SNTB2: variants seen among roughly 807,000 people sequenced by gnomAD.
SNTB2 encodes syntrophin beta 2.
SNTB2 carries 34 observed loss-of-function variants against 46.2 expected under a neutral mutation model. The ratio of observed to expected loss-of-function variants is 0.74; its 90% CI spans 0.56 to 0.98. SNTB2 has a LOEUF of 0.98. Among genes scored for constraint, SNTB2 ranks in the 50% least tolerant of loss-of-function variants. The pLI is 0.00. For synonymous variants in SNTB2, 290 were observed against 312.6 expected (o/e 0.93, Z 0.76); for missense variants, 603 against 731.4 (o/e 0.82, Z 2.02).
intron 1 of SNTB2, among the ~76,000 whole-genome samples, chr16:69,238,460 C>T (rs1289652707): frequency 6.6e-6 from 1 of 152,164 alleles, no homozygotes; most frequent in African/African-American, 2.4e-5. Context: ...CCCTTACTAT[C>T]GTTTCCTGCT....
At chr16:69,203,522 C>G (rs1233109992) in intron 1 of SNTB2, among the ~76,000 whole-genome samples, 4 of 150,892 alleles carry the variant, frequency 2.7e-5, no homozygotes, top group African/African-American at 4.9e-5. Flanking sequence ...AATTGTTTTG[C>G]AGAGACAGGA....
intron 1 of SNTB2, among the ~76,000 whole-genome samples, chr16:69,217,227 C>G (rs1242971534): frequency 6.6e-6 from 1 of 152,020 alleles, no homozygotes; most frequent in African/African-American, 2.4e-5. Context: ...AATGCTCACT[C>G]ACTGGGGAGG....
At chr16:69,227,866 T>A (rs1423411956) in intron 1 of SNTB2, among the ~76,000 whole-genome samples, 1 of 122,318 alleles carries the variant, frequency 8.2e-6, no homozygotes, top group Admixed American at 8.8e-5. Context: ...TTTTTTTTTT[T>A]AAGATAAGTA....
intron 1 of SNTB2, chr16:69,235,825 G>A (rs927700809): frequency 1.6e-6 from 2 of 1,289,216 alleles, no homozygotes; most frequent in Admixed American, 2.3e-5. Context: ...CAAATATCCT[G>A]GAATTGTGGT....
At chr16:69,262,232 G>A (rs968685372) in intron 3 of SNTB2, among the ~76,000 whole-genome samples, 6 of 152,000 alleles carry the variant, frequency 3.9e-5, no homozygotes, top group South Asian at 2.1e-4. Flanking sequence ...GTTAGTAAGG[G>A]ATTTATCCAA....
chr16:69,275,981 C>T (rs970342452), intron 4 of SNTB2, among the ~76,000 whole-genome samples: 1 of 152,006 alleles, frequency 6.6e-6, no homozygotes, highest in Non-Finnish European at 1.5e-5. Context: ...AAGCTCTGTA[C>T]GTGTGTGGGT....
intron 5 of SNTB2, among the ~76,000 whole-genome samples, chr16:69,287,863 A>AAAAT (rs1555501037): frequency 6.8e-6 from 1 of 147,828 alleles, no homozygotes. Flanking sequence ...TGTCTCAAAA[A>AAAAT]ATATATATAT....
At position 69,195,095 on chromosome 16, in the gene SNTB2, G is replaced by A. The variant is rs76784122; in HGVS notation, c.580+7349G>A. Among the ~76,000 whole-genome samples the A allele has an allele frequency of 9.1e-3, 1,383 of 152,242 alleles. 22 individuals carry two copies. Among genetic ancestry groups the A allele is most frequent in the African/African-American group, 0.032 (1,311 of 41,528 alleles). ...TCACATTTCTATGAATTTCAAGCAAGTTTGTAACTGCATTGAGATCATATT... is the reference window on the plus strand; with the variant it reads ...TCACATTTCTATGAATTTCAAGCAAATTTGTAACTGCATTGAGATCATATT... On this transcript the variant is annotated intron_variant, in intron 1 of 6. Coordinates refer to ENST00000336278, the MANE Select transcript of SNTB2 (RefSeq NM_006750.4).
intron 1 of SNTB2, among the ~76,000 whole-genome samples, chr16:69,235,229 C>T (rs1042151914): frequency 1.1e-4 from 17 of 151,476 alleles, no homozygotes; most frequent in Admixed American, 8.6e-4. Context: ...AGCCACCGTT[C>T]CCGGACTTCA....
In SNTB2 at chr16:69,300,333, C is replaced by G. The variant is rs573187742; in HGVS notation, c.1531-499C>G. 3.3e-5 allele frequency among the ~76,000 whole-genome samples: 5 copies of G among 152,246 alleles called. No homozygotes were observed. The East Asian group carries it at 7.7e-4, about 24-fold the overall frequency. ...TGGCACCATCTCAGCTCACTGCAACCTCTGCCTCCCTGGTTCAAGCAATTC... is the reference window on the plus strand; with the variant it reads ...TGGCACCATCTCAGCTCACTGCAACGTCTGCCTCCCTGGTTCAAGCAATTC... On this transcript the variant is annotated intron_variant, in intron 6 of 6. Transcript: ENST00000336278.
intron 1 of SNTB2, among the ~76,000 whole-genome samples, chr16:69,211,379 A>T: frequency 6.6e-6 from 1 of 151,826 alleles, no homozygotes; most frequent in Non-Finnish European, 1.5e-5. Flanking sequence ...CTTCAACATA[A>T]ACTTGAATTT....
intron 4 of SNTB2, among the ~76,000 whole-genome samples, chr16:69,275,198 G>A (rs897060894): frequency 5.3e-5 from 8 of 151,548 alleles, no homozygotes; most frequent in African/African-American, 1.7e-4. Flanking sequence ...TCAGCTTCTC[G>A]AGTAGCTAGG....
intron 1 of SNTB2, among the ~76,000 whole-genome samples, chr16:69,194,818 G>A (rs1402076301): frequency 6.6e-6 from 1 of 152,176 alleles, no homozygotes; most frequent in Non-Finnish European, 1.5e-5. Context: ...AACAGAAGAA[G>A]GGGGAATGGA....
At chr16:69,236,352 G>C (rs1333288556) in intron 1 of SNTB2, among the ~76,000 whole-genome samples, 1 of 151,948 alleles carries the variant, frequency 6.6e-6, no homozygotes, top group Non-Finnish European at 1.5e-5. Context: ...CATGAGAGAA[G>C]GGAAGAGGGT....
intron 1 of SNTB2, among the ~76,000 whole-genome samples, chr16:69,208,693 T>A (rs192094118): frequency 4.0e-5 from 6 of 151,774 alleles, no homozygotes; most frequent in Non-Finnish European, 8.8e-5. Context: ...CTTGCTTATT[T>A]TACTAGGTAA....
intron 1 of SNTB2, among the ~76,000 whole-genome samples, chr16:69,202,733 G>A (rs1396629848): frequency 6.6e-6 from 1 of 151,988 alleles, no homozygotes; most frequent in Non-Finnish European, 1.5e-5. Flanking sequence ...GTGCCACCAC[G>A]CCTGGCTAAT....
chr16:69,215,734 T>C (rs1183140992), intron 1 of SNTB2, among the ~76,000 whole-genome samples: 3 of 152,202 alleles, frequency 2.0e-5, no homozygotes, highest in African/African-American at 7.2e-5. Flanking sequence ...GCTTGCTTTA[T>C]GCGCTTTATC....
intron 5 of SNTB2, among the ~76,000 whole-genome samples, chr16:69,288,224 C>A (rs1337832983): frequency 6.6e-6 from 1 of 152,032 alleles, no homozygotes; most frequent in Non-Finnish European, 1.5e-5. Context: ...AAGAGTGCAA[C>A]TTGGATTTTC....
At chr16:69,254,305 C>T (rs755924862) in intron 2 of SNTB2, among the ~76,000 whole-genome samples, 5 of 152,124 alleles carry the variant, frequency 3.3e-5, no homozygotes, top group Non-Finnish European at 7.3e-5. Flanking sequence ...CCAGAGGTAA[C>T]TGGTACCACC....
Sources: gnomAD v4.1 joint callset for allele counts (sites outside exome capture counted in the v4.1 genomes callset) on GRCh38, gnomAD v4.1.1 for gene constraint, MANE v1.5 for transcripts, NCBI Gene and HGNC (gene_info 2026-07-23, HGNC 2026-07-21) for gene names.